Variants in STRAP observed in about 807,000 individuals in gnomAD.
STRAP encodes serine/threonine kinase receptor associated protein.
A neutral mutation model predicts 47.0 loss-of-function variants in STRAP; 16 were observed. The ratio of observed to expected loss-of-function variants is 0.34; its 90% CI spans 0.23 to 0.52. The LOEUF (loss-of-function observed/expected upper bound fraction) is 0.52. Among genes scored for constraint, STRAP ranks in the 20% least tolerant of loss-of-function variants. The probability of loss-of-function intolerance (pLI) is 0.96; values close to 1 mark genes in which losing one functional copy is unlikely to be tolerated. For missense variants in STRAP, 293 were observed against 420.0 expected (o/e 0.70, Z 2.64); for synonymous variants, 130 against 142.7 (o/e 0.91, Z 0.63).
chr12:15,889,127 C>T (rs1049201234), intron 2 of STRAP, among the ~76,000 whole-genome samples: 6 of 151,870 alleles, frequency 4.0e-5, no homozygotes, highest in African/African-American at 1.4e-4. Context: ...TTTTTTCCCC[C>T]TTCCTTAAGC....
Position 15,894,414 on chromosome 12 carries a change from G to A in STRAP, c.500+271G>A, listed in dbSNP as rs1278379870. ...GCAGAGGTTGCGGTGAGTCGAGATC[G>A]TGCCATTGCACTCTAGCCTGGGCGA... On this transcript the variant is annotated intron_variant, in intron 5 of 9. Coordinates refer to ENST00000419869, the MANE Select transcript of STRAP (RefSeq NM_007178.4). This position sits in a 1 kb window ranked among gnomAD's most constrained non-coding sequence, Gnocchi z 4.9. Among the ~76,000 whole-genome samples, 4 of 152,238 alleles carry A rather than the reference G, an allele frequency of 2.6e-5. No individual in the cohort carries two copies. The highest frequency in any genetic ancestry group is 4.4e-5 in the Non-Finnish European group (3 of 68,050).
At chr12:15,889,671 A>T (rs1174175930) in intron 2 of STRAP, among the ~76,000 whole-genome samples, 1 of 152,162 alleles carries the variant, frequency 6.6e-6, no homozygotes, top group Admixed American at 6.5e-5. Flanking sequence ...TAAATTGTTC[A>T]TATCTTTTCC....
At chr12:15,885,488 C>CTTTTTTTTT (rs5796649) in intron 2 of STRAP, among the ~76,000 whole-genome samples, 1 of 132,478 alleles carries the variant, frequency 7.5e-6, no homozygotes, top group African/African-American at 2.9e-5. Flanking sequence ...CGTGCCTGGC[C>CTTTTTTTTT]TTTTTTTTTT....
At chr12:15,893,629 TGTA>T (rs1291451015) in intron 4 of STRAP, among the ~76,000 whole-genome samples, 1 of 147,902 alleles carries the variant, frequency 6.8e-6, no homozygotes, top group Non-Finnish European at 1.5e-5. Context: ...AAATAAATAT[TGTA>T]TATTATACAA....
At chr12:15,900,098 T>G (rs1217795386) in intron 8 of STRAP, 45 bp downstream of exon 8, 12 of 1,525,972 alleles carry the variant, frequency 7.9e-6, no homozygotes, top group East Asian at 2.3e-5. Flanking sequence ...AAATGCATGA[T>G]TTTATGTCAT....
chr12:15,890,904 A>C lies in STRAP; in HGVS notation c.403+235A>C, dbSNP rs1387174706. ...GCAAAACCCCGTCTCTATTAAAAATAGAAAAATTAGCCAGGCATGGTGGCA... is the reference window on the plus strand; with the variant it reads ...GCAAAACCCCGTCTCTATTAAAAATCGAAAAATTAGCCAGGCATGGTGGCA... On this transcript the variant is annotated intron_variant, in intron 4 of 9. Coordinates refer to ENST00000419869, the MANE Select transcript of STRAP (RefSeq NM_007178.4). This position sits in a 1 kb window ranked among gnomAD's most constrained non-coding sequence, Gnocchi z 4.5. Among the ~76,000 whole-genome samples, 1 of 152,118 alleles carries C rather than the reference A, an allele frequency of 6.6e-6. No homozygotes were observed. Among genetic ancestry groups the C allele is most frequent in the Non-Finnish European group, 1.5e-5 (1 of 68,022 alleles).
intron 9 of STRAP, among the ~76,000 whole-genome samples, chr12:15,901,497 C>A (rs915684270): frequency 3.3e-5 from 5 of 152,130 alleles, no homozygotes; most frequent in African/African-American, 1.2e-4. Context: ...AAGAACTTCT[C>A]CATGCCTCCA....
rs555795083 is a variant in STRAP at position 15,902,063 on chromosome 12, G to T, written c.992-854G>T. Among the ~76,000 whole-genome samples the T allele has an allele frequency of 4.6e-5, 7 of 151,996 alleles. No homozygotes were observed. The East Asian group carries it at 1.2e-3, about 26-fold the overall frequency. On this transcript the variant is annotated intron_variant, in intron 9 of 9. Transcript: ENST00000419869. ...ATGATCTCGACTCACTGCAGCCTCC[G>T]CCTCTGGTTTCAAGCAATTCTCCTG...
chr12:15,893,701 A>G (rs1157816532), intron 4 of STRAP, among the ~76,000 whole-genome samples: 1 of 148,446 alleles, frequency 6.7e-6, no homozygotes, highest in East Asian at 1.9e-4. Flanking sequence ...TATATTTATT[A>G]TACATATAAT....
chr12:15,884,295 T>A (rs982136617), intron 2 of STRAP, among the ~76,000 whole-genome samples: 8 of 152,164 alleles, frequency 5.3e-5, no homozygotes, highest in Admixed American at 5.2e-4. Flanking sequence ...CATTTTTAAC[T>A]TTCAGTAGTT....
chr12:15,885,279 C>G (rs1052537372), intron 2 of STRAP, among the ~76,000 whole-genome samples: 2 of 150,648 alleles, frequency 1.3e-5, no homozygotes, highest in African/African-American at 4.9e-5. Flanking sequence ...ACCTCCACCT[C>G]CCGGGTTCAA....
At chr12:15,892,497 TA>T (rs1378037755) in intron 4 of STRAP, among the ~76,000 whole-genome samples, 2 of 152,190 alleles carry the variant, frequency 1.3e-5, no homozygotes, top group East Asian at 3.8e-4. Context: ...TTTCAGATTT[TA>T]TTATGTGGAC....
chr12:15,885,215 GTC>G lies in STRAP; in HGVS notation c.248+1541_248+1542del, dbSNP rs1463153454. On this transcript the variant is annotated intron_variant, in intron 2 of 9. Coordinates refer to ENST00000419869, the MANE Select transcript of STRAP (RefSeq NM_007178.4). ...TTTTTTTTTTTTTTTTAAAGACAGA[GTC>G]TTGCTATGTCCCCAAGGCTGGAGTG... 1.7e-4 allele frequency among the ~76,000 whole-genome samples: 21 copies of G among 126,248 alleles called. 1 individual carries two copies. In the Admixed American group the frequency reaches 1.7e-3, roughly 10 times the overall value. 82.8% of individuals were successfully genotyped at this position (126,248 alleles called of 152,430 possible). A position where few individuals can be genotyped will look rare whatever the true frequency, so the allele number is the denominator to read the frequency against.
Position 15,890,218 on chromosome 12 carries a change from C to A in STRAP, c.330+209C>A. Among the ~76,000 whole-genome samples the A allele has an allele frequency of 6.6e-6, 1 of 152,216 alleles. No homozygotes were observed. The highest frequency in any genetic ancestry group is 1.9e-4 in the East Asian group (1 of 5,174). On this transcript the variant is annotated intron_variant, in intron 3 of 9. Transcript: ENST00000419869. The surrounding 1 kb of genome is among the most constrained non-coding windows in gnomAD (Gnocchi z 4.5). ...GTCAAGCTTTTAAGATACTGTGGAACGAGTACCAGTCCTTCAACATGTAAA... is the reference window on the plus strand; with the variant it reads ...GTCAAGCTTTTAAGATACTGTGGAAAGAGTACCAGTCCTTCAACATGTAAA...
intron 8 of STRAP, 97 bp from the exon 9 acceptor site, chr12:15,900,850 C>A: frequency 2.3e-6 from 2 of 870,612 alleles, no homozygotes; most frequent in Non-Finnish European, 1.6e-6. Context: ...TAGCCATTTT[C>A]CTGGAATAGT....
intron 2 of STRAP, among the ~76,000 whole-genome samples, 187 bp from the exon 3 acceptor site, chr12:15,889,741 A>G (rs868356972): frequency 6.6e-6 from 1 of 152,166 alleles, no homozygotes; most frequent in South Asian, 2.1e-4. Flanking sequence ...TTTTCCCTTA[A>G]GCTTATTTAA....
intron 9 of STRAP, among the ~76,000 whole-genome samples, chr12:15,902,004 T>G (rs766553171): frequency 9.9e-5 from 15 of 151,812 alleles, no homozygotes; most frequent in African/African-American, 3.1e-4. Flanking sequence ...TGAGATGGAG[T>G]CTTGCTCTGT....
Position 15,903,046 on chromosome 12 carries a change from TC to T in STRAP, c.*70del. 1 of 1,434,354 alleles carries T rather than the reference TC, an allele frequency of 7.0e-7. No homozygotes were observed. Among genetic ancestry groups the T allele is most frequent in the Non-Finnish European group, 9.2e-7 (1 of 1,085,810 alleles). The allele number at this position is 1,434,354 out of a possible 1,614,324, so 88.9% of individuals were successfully genotyped here. On this transcript the variant is annotated 3_prime_UTR_variant, in exon 10 of 10. Coordinates refer to ENST00000419869, the MANE Select transcript of STRAP (RefSeq NM_007178.4). ...AGCAAGCAGAGAAAAGCATCAGCCT[TC>T]CAGAGTTACTGTCTGCTTAAGGCAG...
rs1395569768 is a variant in STRAP at position 15,890,586 on chromosome 12, T to C, written c.331-11T>C. 8 of 1,602,492 alleles carry C rather than the reference T, an allele frequency of 5.0e-6. No homozygotes were observed. Among genetic ancestry groups the C allele is most frequent in the Admixed American group, 3.5e-5 (2 of 57,914 alleles). Reference sequence around the variant, plus strand: ...TGGTTAATCTATTCACATTTTACTTTGTGTTTTCAGGATAGTAATTATTTG... The same window carrying C: ...TGGTTAATCTATTCACATTTTACTTCGTGTTTTCAGGATAGTAATTATTTG... On this transcript the variant is annotated splice_polypyrimidine_tract_variant and intron_variant, in intron 3 of 9. Transcript: ENST00000419869. The surrounding 1 kb of genome is among the most constrained non-coding windows in gnomAD (Gnocchi z 4.5).
Sources: allele counts gnomAD v4.1 joint callset (sites outside exome capture counted in the v4.1 genomes callset), GRCh38; gene constraint gnomAD v4.1.1; non-coding constraint Gnocchi (gnomAD v3.1); transcripts MANE v1.5; gene names NCBI Gene and HGNC (gene_info 2026-07-23, HGNC 2026-07-21).